The following CACNB2 variants were observed in gnomAD, a reference collection of about 807,000 sequenced individuals.
CACNB2 encodes calcium voltage-gated channel auxiliary subunit beta 2.
Under a neutral mutation model 73.3 loss-of-function variants are expected in CACNB2, and 42 were observed. The observed-to-expected ratio is 0.57, with a 90% CI of 0.45 to 0.74. The LOEUF is 0.74. Among genes scored for constraint, CACNB2 ranks in the 30% least tolerant of loss-of-function variants. The probability of loss-of-function intolerance (pLI) is 0.00; values close to 1 mark genes in which losing one functional copy is unlikely to be tolerated. For missense variants in CACNB2, 940 were observed against 853.0 expected, an observed-to-expected ratio of 1.10 and a Z score of -1.27; for synonymous variants, 348 against 310.3, an observed-to-expected ratio of 1.12 and a Z score of -1.28.
At chr10:18,483,473 G>C (rs1234403426) in intron 3 of CACNB2, among the ~76,000 whole-genome samples, 1 of 149,058 alleles carries the variant, frequency 6.7e-6, no homozygotes, top group Non-Finnish European at 1.5e-5. Flanking sequence ...GGAGGTTGCA[G>C]TGAGCCAAGA....
intron 2 of CACNB2, among the ~76,000 whole-genome samples, chr10:18,311,083 T>A (rs917095539): frequency 1.3e-5 from 2 of 152,154 alleles, no homozygotes; most frequent in African/African-American, 4.8e-5. Context: ...CTTGACTCTC[T>A]CTGAAGATAC....
At chr10:18,391,467 C>G (rs1302777057) in intron 2 of CACNB2, among the ~76,000 whole-genome samples, 1 of 152,008 alleles carries the variant, frequency 6.6e-6, no homozygotes, top group Non-Finnish European at 1.5e-5. Flanking sequence ...TCATTCATTC[C>G]ACAAATGTTT....
chr10:18,229,495 A>G (rs796576721), intron 2 of CACNB2, among the ~76,000 whole-genome samples: 5 of 152,362 alleles, frequency 3.3e-5, no homozygotes, highest in African/African-American at 1.2e-4. Flanking sequence ...TAGAAAATGC[A>G]CTTTTAAACT....
chr10:18,473,829 C>A (rs1445311275), intron 3 of CACNB2, among the ~76,000 whole-genome samples: 1 of 152,132 alleles, frequency 6.6e-6, no homozygotes, highest in African/African-American at 2.4e-5. Context: ...AAAAATAATT[C>A]CCTAAGGTTT....
chr10:18,536,108 A>G lies in CACNB2; in HGVS notation c.1214A>G (p.Gln405Arg), dbSNP rs1281052136. The change falls in exon 12 of 14, where the codon CAA (glutamine) becomes CGA (arginine). Residue 405 changes from glutamine to arginine, a missense_variant. Coordinates refer to ENST00000324631, the MANE Select transcript of CACNB2 (RefSeq NM_201596.3). ...YVKISSPKVL[Q>R]RLIKSRGKSQ... ...ACTCATTATCTTTTACAGGTTTTAC[A>G]AAGGTTAATAAAATCTCGAGGGAAA... 1 of 1,597,384 alleles carries G rather than the reference A, an allele frequency of 6.3e-7. No homozygotes were observed. Among genetic ancestry groups the G allele is most frequent in the Non-Finnish European group, 8.6e-7 (1 of 1,165,024 alleles).
chr10:18,166,618 C>T (rs1236744416), intron 2 of CACNB2, among the ~76,000 whole-genome samples: 1 of 152,114 alleles, frequency 6.6e-6, no homozygotes, highest in Non-Finnish European at 1.5e-5. Context: ...GTTACTTGAC[C>T]ACCAGTTCTA....
rs146740597 is a variant in CACNB2, at chr10:18,191,685, C to G, written c.213+40710C>G. Among the ~76,000 whole-genome samples, 483 of 152,272 alleles carry G rather than the reference C, an allele frequency of 3.2e-3. 2 individuals carry two copies. Among genetic ancestry groups the G allele is most frequent in the Non-Finnish European group, 5.1e-3 (349 of 68,034 alleles). On this transcript the variant is annotated intron_variant, in intron 2 of 13. Coordinates refer to ENST00000324631, the MANE Select transcript of CACNB2 (RefSeq NM_201596.3). ...GCTCCCACATATCAGTGAGAACATA[C>G]AATGTTTGAGTTTCCATTCCTGAGT... is the stretch of plus-strand genomic sequence containing the variant.
intron 3 of CACNB2, among the ~76,000 whole-genome samples, chr10:18,405,278 C>G (rs908546128): frequency 6.6e-6 from 1 of 152,198 alleles, no homozygotes; most frequent in African/African-American, 2.4e-5. Flanking sequence ...CCAACCATCT[C>G]CCTGTCCCCA....
intron 2 of CACNB2, among the ~76,000 whole-genome samples, chr10:18,237,162 G>T (rs1420011226): frequency 2.0e-5 from 3 of 152,124 alleles, no homozygotes; most frequent in African/African-American, 7.2e-5. Flanking sequence ...GTCTGGAGTA[G>T]GAATAGAAAA....
chr10:18,493,270 G>A (rs2049568635), intron 3 of CACNB2, among the ~76,000 whole-genome samples: 1 of 152,178 alleles, frequency 6.6e-6, no homozygotes, highest in Non-Finnish European at 1.5e-5. Flanking sequence ...CTAGGTTCAA[G>A]CAATTCTCCT....
At chr10:18,162,621 G>A (rs2032548919) in intron 2 of CACNB2, among the ~76,000 whole-genome samples, 1 of 152,192 alleles carries the variant, frequency 6.6e-6, no homozygotes, top group African/African-American at 2.4e-5. Flanking sequence ...CGTGCATTTT[G>A]AAACCAATTC....
At chr10:18,492,429 T>G (rs1008725047) in intron 3 of CACNB2, among the ~76,000 whole-genome samples, 3 of 152,126 alleles carry the variant, frequency 2.0e-5, no homozygotes, top group African/African-American at 7.2e-5. Flanking sequence ...AAGACCAGTA[T>G]GGCCAACACG....
rs903071206 is a variant in CACNB2 at position 18,410,683 on chromosome 10, GA to G, written c.333+8650del. On this transcript the variant is annotated intron_variant, in intron 3 of 13. Transcript: ENST00000324631. The stretch of plus-strand genomic sequence containing the variant: ...GTGAAACTAGAGGGCTACTTATGGG[GA>G]AAAAAAAAATGTGTTGGCTGGGCGC... Among the ~76,000 whole-genome samples, 113 of 149,456 alleles carry G rather than the reference GA, an allele frequency of 7.6e-4. No individual in the cohort carries two copies. The East Asian group carries it at 7.8e-3, about 10-fold the overall frequency.
chr10:18,507,723 G>T (rs1476926658), intron 6 of CACNB2, among the ~76,000 whole-genome samples: 1 of 152,148 alleles, frequency 6.6e-6, no homozygotes, highest in Admixed American at 6.6e-5. Flanking sequence ...GACTGCCAGG[G>T]TGTTTCAGCA....
intron 2 of CACNB2, among the ~76,000 whole-genome samples, chr10:18,286,105 A>G (rs927238157): frequency 6.6e-6 from 1 of 152,232 alleles, no homozygotes; most frequent in South Asian, 2.1e-4. Flanking sequence ...TGAAGTACCA[A>G]TAAACATAAT....
chr10:18,383,798 C>T (rs1048723497), intron 2 of CACNB2, among the ~76,000 whole-genome samples: 8 of 152,062 alleles, frequency 5.3e-5, no homozygotes, highest in Non-Finnish European at 1.2e-4. Flanking sequence ...CTCCGCTTCC[C>T]GGATTCAAGC....
intron 6 of CACNB2, among the ~76,000 whole-genome samples, chr10:18,511,883 CACTT>C (rs1271382669): frequency 6.6e-6 from 1 of 152,174 alleles, no homozygotes; most frequent in African/African-American, 2.4e-5. Flanking sequence ...GTTATAGACT[CACTT>C]ACGCAGGAGG....
At chr10:18,433,124 G>GATAT (rs68101548) in intron 3 of CACNB2, among the ~76,000 whole-genome samples, 4 of 148,492 alleles carry the variant, frequency 2.7e-5, no homozygotes, top group East Asian at 2.0e-4. Flanking sequence ...TGCGTGTATT[G>GATAT]ATATATATAT....
At chr10:18,186,138 G>C (rs1398420838) in intron 2 of CACNB2, among the ~76,000 whole-genome samples, 2 of 152,140 alleles carry the variant, frequency 1.3e-5, no homozygotes, top group Non-Finnish European at 2.9e-5. Context: ...AAATACCTGA[G>C]GCCAGGCATG....
Sources: gnomAD v4.1 joint callset for allele counts (sites outside exome capture counted in the v4.1 genomes callset) on GRCh38, gnomAD v4.1.1 for gene constraint, MANE v1.5 for transcripts, NCBI Gene and HGNC (gene_info 2026-07-23, HGNC 2026-07-21) for gene names.